Variants in ZACN observed in about 807,000 individuals in gnomAD.
ZACN encodes the protein zinc activated ion channel, also known as ligand-gated cation channel ZACN.
Under a neutral mutation model 38.9 loss-of-function variants are expected in ZACN, and 52 were observed. The observed-to-expected ratio is 1.34, with a 90% CI of 1.07 to 1.68. The LOEUF is 1.68. Ranked by LOEUF, ZACN falls within the 40% of genes most tolerant of loss-of-function variation. The pLI is 0.00. For missense variants in ZACN, 559 were observed against 525.6 expected (o/e 1.06, Z -0.62); for synonymous variants, 235 against 227.4 (o/e 1.03, Z -0.30).
In ZACN at chr17:76,081,492, G is replaced by A. The variant is rs964729027; in HGVS notation, c.670-53G>A. 87 of 1,609,778 alleles carry A rather than the reference G, an allele frequency of 5.4e-5. 1 individual carries two copies. The highest frequency in any genetic ancestry group is 3.3e-4 in the South Asian group (30 of 90,908). On this transcript the variant is annotated intron_variant, in intron 6 of 8. Coordinates refer to ENST00000334586, the MANE Select transcript of ZACN (RefSeq NM_180990.4). ...GCCAGAGGCCAGGCCCCATGCCCCCGATGCCCACCTCCTTCCCCCCCGCCG... is the reference window on the plus strand; with the variant it reads ...GCCAGAGGCCAGGCCCCATGCCCCCAATGCCCACCTCCTTCCCCCCCGCCG...
rs550313334 is a variant in ZACN, at chr17:76,080,103, G to A, written c.374+109G>A. On this transcript the variant is annotated intron_variant, in intron 4 of 8. Transcript: ENST00000334586. ...GAATATGACCCTCCTGGCGGTCCCC[G>A]CCGGACTAGCAGTGCACCTTCACTG... 412 of 1,466,268 alleles carry A rather than the reference G, an allele frequency of 2.8e-4. 2 individuals carry two copies. The African/African-American group carries it at 4.7e-3, about 17-fold the overall frequency. 90.8% of individuals were successfully genotyped at this position (1,466,268 alleles called of 1,614,324 possible).
Position 76,081,563 on chromosome 17 carries a change from G to T in ZACN, c.688G>T (p.Ala230Ser), listed in dbSNP as rs1000607854. Residue 230 changes from alanine to serine, a missense_variant, in exon 7 of 9, where the codon GCG (alanine) becomes TCG (serine). Ala to Ser is a moderately conservative substitution (Grantham distance 99, BLOSUM62 1). Coordinates refer to ENST00000334586, the MANE Select transcript of ZACN (RefSeq NM_180990.4). ...CTTCCAGCTGAGGCTGAAGAACACG[G>T]CGCTCAAGTCCATCATCGCTCTCTT... Reference protein sequence around the residue: ...FQVTLRLKNTALKSIIALLVP... With the variant: ...FQVTLRLKNTSLKSIIALLVP... The T allele has an allele frequency of 2.5e-6, 4 of 1,613,540 alleles. No homozygotes were observed. Among genetic ancestry groups the T allele is most frequent in the African/African-American group, 1.3e-5 (1 of 74,938 alleles).
In ZACN at chr17:76,079,900, A is replaced by T. The variant is rs776144412; in HGVS notation, c.280A>T (p.Thr94Ser). The change falls in exon 4 of 9, where the codon ACT becomes TCT. Residue 94 changes from threonine (T) to serine (S), a missense_variant. Coordinates refer to ENST00000334586, the MANE Select transcript of ZACN (RefSeq NM_180990.4). Reference protein sequence around the residue: ...MLLLRLSWLDTRLAWNTSAHP... With the variant: ...MLLLRLSWLDSRLAWNTSAHP... ...CTTGTGTCCCCAGTCCTGGCTGGAC[A>T]CTCGCCTGGCCTGGAACACTAGTGC... 6.3e-7 allele frequency: 1 copy of T among 1,595,744 alleles called. No homozygotes were observed. Among genetic ancestry groups the T allele is most frequent in the African/African-American group, 1.3e-5 (1 of 74,470 alleles).
rs758838729 is a variant in ZACN, at chr17:76,081,613, G to A, written c.738G>A (p.Leu246=). ...ALLVPAEALL[L]ADVCGGLLPL... ...TGGTGCCTGCAGAGGCACTGCTGTT[G>A]GCTGACGTGTGCGGGGGGTTGCTGC... Residue 246 remains leucine, a synonymous_variant, in exon 7 of 9, where the codon TTG becomes TTA. Transcript: ENST00000334586. 66 of 1,613,972 alleles carry A rather than the reference G, an allele frequency of 4.1e-5. No individual in the cohort carries two copies. The Middle Eastern group carries it at 4.9e-4, about 12-fold the overall frequency.
intron 4 of ZACN, 96 bp from the exon 5 acceptor site, chr17:76,080,159 T>C: frequency 6.7e-7 from 1 of 1,492,650 alleles, no homozygotes. Context: ...GCCAGAACTC[T>C]GAAAGCAGCT....
chr17:76,080,826 T>C, intron 5 of ZACN: 1 of 473,728 alleles, frequency 2.1e-6, no homozygotes, highest in East Asian at 6.5e-5. Context: ...GAGGCTCAGG[T>C]TGCCATGGCC....
chr17:76,082,004 G>A lies in ZACN; in HGVS notation c.1003G>A (p.Gly335Arg). The A allele has an allele frequency of 2.5e-6, 4 of 1,611,596 alleles. No homozygotes were observed. Among genetic ancestry groups the A allele is most frequent in the Non-Finnish European group, 3.4e-6 (4 of 1,179,506 alleles). Residue 335 changes from glycine (G) to arginine (R), a missense_variant, in exon 8 of 9, where the codon GGG becomes AGG. Transcript: ENST00000334586. ...AKSGPSPAPR[G>R]EQREHGNPGP... The stretch of plus-strand genomic sequence containing the variant: ...GAGCGGCCCCAGCCCAGCCCCGAGA[G>A]GGGAACAGCGAGAGCACGGCAACCC...
rs776733186 is a variant in ZACN, at chr17:76,082,669, G to C, written c.*16G>C. 1.9e-6 allele frequency: 3 copies of C among 1,591,764 alleles called. No homozygotes were observed. The highest frequency in any genetic ancestry group is 2.6e-6 in the Non-Finnish European group (3 of 1,169,496). ...TAGACTGTAAAGGGGCAGGGCCTGG[G>C]CTGCACACCTTAGGATGAAGTTTGC... On this transcript the variant is annotated 3_prime_UTR_variant, in exon 9 of 9. Transcript: ENST00000334586.
In ZACN at chr17:76,081,324, T is replaced by G. The variant is rs759139193; in HGVS notation, c.591T>G (p.Ser197Arg). ...CCCACGTGGTGAACGAGATTGTGAG[T>G]GTCAAGAGGGAATACGTAGTTTATG... is the stretch of plus-strand genomic sequence containing the variant. ...FQAHVVNEIV[S>R]VKREYVVYDL... The change falls in exon 6 of 9, where the codon AGT becomes AGG. Residue 197 changes from serine (S) to arginine (R), a missense_variant. Coordinates refer to ENST00000334586, the MANE Select transcript of ZACN (RefSeq NM_180990.4). 6.2e-7 allele frequency: 1 copy of G among 1,614,002 alleles called. No homozygotes were observed. The highest frequency in any genetic ancestry group is 8.5e-7 in the Non-Finnish European group (1 of 1,179,992).
intron 5 of ZACN, chr17:76,080,632 A>G (rs1379528303): frequency 1.4e-6 from 1 of 732,222 alleles, no homozygotes; most frequent in African/African-American, 1.7e-5. Context: ...CCCCCACTCG[A>G]GTGGCAGCCC....
chr17:76,079,304 G>T lies in ZACN; in HGVS notation c.40G>T (p.Gly14Trp), dbSNP rs201264257. The T allele has an allele frequency of 2.3e-5, 37 of 1,614,078 alleles. No homozygotes were observed. The highest frequency in any genetic ancestry group is 3.3e-4 in the Middle Eastern group (2 of 6,060). Residue 14 changes from glycine (G) to tryptophan (W), a missense_variant, in exon 1 of 9, where the codon GGG becomes TGG. Gly to Trp is a radical substitution (Grantham distance 184, BLOSUM62 -2). Transcript: ENST00000334586. ...GTCCCTGCTCCATCTCACCTTCCTGGGGTTCAGCATTACCTTGCTGTTGGT... is the reference window on the plus strand; with the variant it reads ...GTCCCTGCTCCATCTCACCTTCCTGTGGTTCAGCATTACCTTGCTGTTGGT... The part of the protein sequence containing the change: ...LWSLLHLTFL[G>W]FSITLLLVHG...
intron 4 of ZACN, 55 bp downstream of exon 4, chr17:76,080,049 C>T: frequency 6.5e-7 from 1 of 1,527,248 alleles, no homozygotes; most frequent in Non-Finnish European, 8.9e-7. Flanking sequence ...CTCCTTTTCC[C>T]CCATCTACAA....
Position 76,081,560 on chromosome 17 carries a change from A to T in ZACN, c.685A>T (p.Thr229Ser), listed in dbSNP as rs747590255. 2 of 1,613,546 alleles carry T rather than the reference A, an allele frequency of 1.2e-6. No individual in the cohort carries two copies. The highest frequency in any genetic ancestry group is 1.7e-5 in the Admixed American group (1 of 60,026). Residue 229 changes from threonine (T) to serine (S), a missense_variant, in exon 7 of 9, where the codon ACG becomes TCG. Transcript: ENST00000334586. ...CCCCTTCCAGCTGAGGCTGAAGAACACGGCGCTCAAGTCCATCATCGCTCT... is the reference window on the plus strand; with the variant it reads ...CCCCTTCCAGCTGAGGCTGAAGAACTCGGCGCTCAAGTCCATCATCGCTCT... ...CFQVTLRLKNTALKSIIALLV... is the reference protein window; with the variant it reads ...CFQVTLRLKNSALKSIIALLV...
chr17:76,082,710 G>C lies in ZACN; in HGVS notation c.*57G>C. ...TGAAGTTTGCTTTCCCATGGCTGGGGGCGGGCCATGACAGGGCCTCTGGAT... is the reference window on the plus strand; with the variant it reads ...TGAAGTTTGCTTTCCCATGGCTGGGCGCGGGCCATGACAGGGCCTCTGGAT... On this transcript the variant is annotated 3_prime_UTR_variant, in exon 9 of 9. Coordinates refer to ENST00000334586, the MANE Select transcript of ZACN (RefSeq NM_180990.4). 1 of 1,511,652 alleles carries C rather than the reference G, an allele frequency of 6.6e-7. No homozygotes were observed. The highest frequency in any genetic ancestry group is 2.3e-5 in the East Asian group (1 of 42,848). The allele number at this position is 1,511,652 out of a possible 1,614,324, so 93.6% of individuals were successfully genotyped here. A position where few individuals can be genotyped will look rare whatever the true frequency, so the allele number is the denominator to read the frequency against.
In ZACN at chr17:76,079,419, CCTTGA is replaced by C. The variant is rs753788367; in HGVS notation, c.98-16_98-12del. 4.3e-6 allele frequency: 7 copies of C among 1,614,154 alleles called. No homozygotes were observed. The East Asian group carries it at 1.6e-4, about 36-fold the overall frequency. On this transcript the variant is annotated splice_polypyrimidine_tract_variant and intron_variant, in intron 1 of 8. Coordinates refer to ENST00000334586, the MANE Select transcript of ZACN (RefSeq NM_180990.4). ...CTTGGGCCCTAGGGCACCTGAGTGA[CCTTGA>C]CTTTTCTCTCTCAGTCTGGCCATCC... is the stretch of plus-strand genomic sequence containing the variant.
rs1290680450 is a variant in ZACN at position 76,079,704 on chromosome 17, C to T, written c.225C>T (p.Asp75=). The change falls in exon 3 of 9, where the codon GAC becomes GAT. Residue 75 remains aspartate, a splice_region_variant and synonymous_variant. Transcript: ENST00000334586. ...GTGATGCATTGCCCTTCCCCCAGGA[C>T]ATCCTGCGATACACAATGTCCTCCA... The part of the protein sequence containing the change: ...RVFVSNVFNV[D]ILRYTMSSML... 5 of 1,613,462 alleles carry T rather than the reference C, an allele frequency of 3.1e-6. No homozygotes were observed. The South Asian group carries it at 3.3e-5, about 11-fold the overall frequency.
chr17:76,082,405 C>G, intron 8 of ZACN, 58 bp from the exon 9 acceptor site: 3 of 1,506,942 alleles, frequency 2.0e-6, no homozygotes, highest in Non-Finnish European at 2.7e-6. Context: ...GTTCGCTCTT[C>G]CGCTCATGTT....
At position 76,082,761 on chromosome 17, in the gene ZACN, C is replaced by T. The variant is rs560561955; in HGVS notation, c.*108C>T. The stretch of plus-strand genomic sequence containing the variant: ...TAAGCCACCCTGAGCTCTCCCTCCG[C>T]TAGCACACAAGCACAGAGCGTGAAA... On this transcript the variant is annotated 3_prime_UTR_variant, in exon 9 of 9. Coordinates refer to ENST00000334586, the MANE Select transcript of ZACN (RefSeq NM_180990.4). 2 of 1,092,796 alleles carry T rather than the reference C, an allele frequency of 1.8e-6. No individual in the cohort carries two copies. The highest frequency in any genetic ancestry group is 5.2e-5 in the East Asian group (2 of 38,260). The allele number at this position is 1,092,796 out of a possible 1,614,324, so 67.7% of individuals were successfully genotyped here. A position where few individuals can be genotyped will look rare whatever the true frequency, so the allele number is the denominator to read the frequency against.
chr17:76,080,526 G>C (rs1183275409), intron 5 of ZACN, 102 bp downstream of exon 5: 2 of 1,498,410 alleles, frequency 1.3e-6, no homozygotes, highest in Non-Finnish European at 1.8e-6. Context: ...GGGGCAAGGG[G>C]AAGGGGCAAA....
Sources: gnomAD v4.1 joint callset for allele counts on GRCh38, gnomAD v4.1.1 for gene constraint, MANE v1.5 for transcripts, NCBI Gene and HGNC (gene_info 2026-07-23, HGNC 2026-07-21) for gene names.